Variants in OSBPL10 observed in about 807,000 individuals in gnomAD.
OSBPL10 encodes the protein oxysterol binding protein like 10.
Under a neutral mutation model 81.7 loss-of-function variants are expected in OSBPL10, and 49 were observed. That is an observed-to-expected ratio of 0.60 (90% CI 0.48 to 0.76). OSBPL10 has a LOEUF of 0.76. Among genes scored for constraint, OSBPL10 ranks in the 30% least tolerant of loss-of-function variants. The pLI is 0.00. For missense variants in OSBPL10, 923 were observed against 987.8 expected, an observed-to-expected ratio of 0.93 and a Z score of 0.88; for synonymous variants, 419 against 383.6, an observed-to-expected ratio of 1.09 and a Z score of -1.08.
intron 1 of OSBPL10, among the ~76,000 whole-genome samples, chr3:31,930,847 T>C (rs1697220978): frequency 6.6e-6 from 1 of 151,384 alleles, no homozygotes; most frequent in Non-Finnish European, 1.5e-5. Context: ...ACCCCGCCTC[T>C]ACTAAAAATA....
At chr3:32,030,470 G>C in intron 2 of OSBPL10, 1 of 687,356 alleles carries the variant, frequency 1.5e-6, no homozygotes, top group Non-Finnish European at 2.7e-6. Flanking sequence ...ATTAATGTGC[G>C]TATTAAGCGT....
At chr3:31,820,669 C>G (rs1205918785) in intron 4 of OSBPL10, among the ~76,000 whole-genome samples, 1 of 152,054 alleles carries the variant, frequency 6.6e-6, no homozygotes, top group Non-Finnish European at 1.5e-5. Flanking sequence ...ACACCAGGCA[C>G]TAGGAAAAGA....
chr3:31,784,818 A>G (rs971885385), intron 4 of OSBPL10, among the ~76,000 whole-genome samples: 1 of 131,836 alleles, frequency 7.6e-6, no homozygotes, highest in Non-Finnish European at 1.5e-5. Flanking sequence ...CCTAGCCCCA[A>G]GTGATTCGCC....
At chr3:31,721,868 T>C (rs746780746) in intron 6 of OSBPL10, among the ~76,000 whole-genome samples, 1 of 152,214 alleles carries the variant, frequency 6.6e-6, no homozygotes, top group African/African-American at 2.4e-5. Context: ...ATAATGTTTA[T>C]AACATTTTCA....
At chr3:31,790,558 G>A (rs1698983837) in intron 4 of OSBPL10, among the ~76,000 whole-genome samples, 1 of 152,166 alleles carries the variant, frequency 6.6e-6, no homozygotes, top group South Asian at 2.1e-4. Flanking sequence ...AAAAGATGAA[G>A]GGCAAAAGAT....
intron 4 of OSBPL10, among the ~76,000 whole-genome samples, chr3:31,784,970 T>G (rs763899378): frequency 6.6e-6 from 1 of 152,138 alleles, no homozygotes; most frequent in East Asian, 1.9e-4. Context: ...CTGGAACCTC[T>G]GTCTCCCAGG....
At chr3:31,840,974 T>A (rs1234530154) in intron 3 of OSBPL10, among the ~76,000 whole-genome samples, 1 of 152,216 alleles carries the variant, frequency 6.6e-6, no homozygotes, top group Non-Finnish European at 1.5e-5. Flanking sequence ...AATGGCGTGA[T>A]CTCGGCTCAC....
At chr3:31,679,327 C>A (rs975795514) in intron 8 of OSBPL10, among the ~76,000 whole-genome samples, 1 of 152,204 alleles carries the variant, frequency 6.6e-6, no homozygotes, top group African/African-American at 2.4e-5. Flanking sequence ...ACATTGAGGA[C>A]TTCACGCACA....
rs1698338786 is a variant in OSBPL10 at position 31,965,631 on chromosome 3, A to AATATATTATATAAATTATATATT, written c.281+15245_281+15267dup. On this transcript the variant is annotated intron_variant, in intron 1 of 11. Coordinates refer to ENST00000396556, the MANE Select transcript of OSBPL10 (RefSeq NM_017784.5). Reference sequence around the variant, plus strand: ...ATATTATATAAATTATATATTATATAATATATTATATAAATTATATATTAT... The same window carrying AATATATTATATAAATTATATATT: ...ATATTATATAAATTATATATTATATAATATATTATATAAATTATATATTATATATTATATAAATTATATATTAT... Among the ~76,000 whole-genome samples the AATATATTATATAAATTATATATT allele has an allele frequency of 8.3e-5, 6 of 71,994 alleles. 1 individual carries two copies. The highest frequency in any genetic ancestry group is 1.1e-4 in the Non-Finnish European group (5 of 44,204). 47.2% of individuals were successfully genotyped at this position (71,994 alleles called of 152,430 possible).
chr3:31,740,837 A>G (rs957108318), intron 5 of OSBPL10, among the ~76,000 whole-genome samples: 2 of 145,658 alleles, frequency 1.4e-5, no homozygotes, highest in Admixed American at 1.4e-4. Flanking sequence ...TGATAAACTT[A>G]ATATGACCAC....
intron 4 of OSBPL10, among the ~76,000 whole-genome samples, chr3:31,818,447 A>G (rs75849097): frequency 0.7 from 105,991 of 151,602 alleles, 37,588 homozygotes; most frequent in East Asian, 0.93. Flanking sequence ...GCACGGGTGC[A>G]TATGTATGTG....
At chr3:31,786,724 A>AT in intron 4 of OSBPL10, among the ~76,000 whole-genome samples, 1 of 152,070 alleles carries the variant, frequency 6.6e-6, no homozygotes. Flanking sequence ...CACAGGTGAA[A>AT]ATATATATAT....
intron 3 of OSBPL10, among the ~76,000 whole-genome samples, chr3:31,833,729 ACACACACACT>A (rs1700305038): frequency 6.6e-6 from 1 of 151,402 alleles, no homozygotes; most frequent in African/African-American, 2.4e-5. Context: ...ACACACACAC[ACACACACACT>A]CTCTCTCTCT....
At chr3:31,870,417 T>C (rs910627691) in intron 3 of OSBPL10, among the ~76,000 whole-genome samples, 5 of 152,198 alleles carry the variant, frequency 3.3e-5, no homozygotes, top group African/African-American at 1.2e-4. Context: ...TGGGCTCCTG[T>C]GCGGCCCGAG....
At chr3:31,904,310 G>C (rs1696341066) in intron 1 of OSBPL10, among the ~76,000 whole-genome samples, 2 of 152,166 alleles carry the variant, frequency 1.3e-5, no homozygotes, top group African/African-American at 4.8e-5. Context: ...CGGATATCAG[G>C]GCTGAGGAGA....
intron 2 of OSBPL10, among the ~76,000 whole-genome samples, chr3:32,034,807 T>C (rs970242755): frequency 5.3e-5 from 8 of 152,216 alleles, no homozygotes; most frequent in Non-Finnish European, 7.3e-5. Context: ...CCACACTATA[T>C]CAGACAGTGT....
intron 2 of OSBPL10, among the ~76,000 whole-genome samples, chr3:32,035,856 C>G (rs1413770849): frequency 6.6e-6 from 1 of 152,110 alleles, no homozygotes. Flanking sequence ...GGCATTAAGT[C>G]ACATTCACAT....
chr3:32,014,466 A>AT (rs1409129873), intron 2 of OSBPL10, among the ~76,000 whole-genome samples: 4 of 152,336 alleles, frequency 2.6e-5, no homozygotes, highest in African/African-American at 9.6e-5. Context: ...AGAGCTATCT[A>AT]TGACAAACCC....
intron 2 of OSBPL10, among the ~76,000 whole-genome samples, chr3:32,035,390 T>C (rs1699507087): frequency 2.0e-5 from 3 of 151,800 alleles, no homozygotes; most frequent in Admixed American, 2.0e-4. Context: ...GACAAAATCA[T>C]GTCTCTACTA....
Sources: gnomAD v4.1 joint callset for allele counts (sites outside exome capture counted in the v4.1 genomes callset) on GRCh38, gnomAD v4.1.1 for gene constraint, MANE v1.5 for transcripts, NCBI Gene and HGNC (gene_info 2026-07-23, HGNC 2026-07-21) for gene names.